ARMCX4: variants seen among roughly 807,000 people sequenced by gnomAD.
ARMCX4 encodes armadillo repeat containing X-linked 4.
ARMCX4 carries 3 observed loss-of-function variants against 34.7 expected under a neutral mutation model. The ratio of observed to expected loss-of-function variants is 0.09; its 90% CI spans 0.04 to 0.22. ARMCX4 has a LOEUF of 0.22. Among genes scored for constraint, ARMCX4 ranks in the 10% least tolerant of loss-of-function variants. The pLI is 1.00. For missense variants in ARMCX4, 1,448 were observed against 1,720.8 expected, an observed-to-expected ratio of 0.84 and a Z score of 2.81; for synonymous variants, 513 against 632.8, an observed-to-expected ratio of 0.81 and a Z score of 2.84.
intron 2 of ARMCX4, among the ~76,000 whole-genome samples, chrX:101,433,221 T>C (rs868918136): frequency 7.2e-5 from 2 of 27,593 alleles, no homozygotes; most frequent in Non-Finnish European, 1.2e-4. Context: ...CGCACATATA[T>C]ACATATATGT....
At chrX:101,477,891 A>G (rs782789361) in intron 4 of ARMCX4, among the ~76,000 whole-genome samples, 15 of 112,289 alleles carry the variant, frequency 1.3e-4, no homozygotes, top group Non-Finnish European at 2.4e-4. Context: ...TTAAAATATG[A>G]TAATCTCAAT....
At position 101,432,748 on chromosome X, in the gene ARMCX4, A is replaced by T. The variant is rs782549751; in HGVS notation, n.165-11304A>T. On this transcript the variant is annotated intron_variant and non_coding_transcript_variant, in intron 2 of 3. Transcript: ENST00000430461. ...TATATACACATATATACGTATATAT[A>T]TGTGTATATACACGTATATATGTAT... is the stretch of plus-strand genomic sequence containing the variant. Among the ~76,000 whole-genome samples, 3 of 66,859 alleles carry T rather than the reference A, an allele frequency of 4.5e-5. No individual in the cohort carries two copies. In the East Asian group the frequency reaches 1.3e-3, roughly 28 times the overall value. 58.1% of individuals were successfully genotyped at this position (66,859 alleles called of 115,157 possible).
chrX:101,432,981 TAC>T (rs1222886351), intron 2 of ARMCX4, among the ~76,000 whole-genome samples: 3 of 35,508 alleles, frequency 8.4e-5, no homozygotes, highest in African/African-American at 1.4e-4. Flanking sequence ...TGTGTATATA[TAC>T]ACACATGTAT....
At chrX:101,524,295 A>C (rs1447111608) in intron 11 of ARMCX4, 1 of 112,625 alleles carries the variant, frequency 8.9e-6, no homozygotes, top group Non-Finnish European at 1.9e-5. Context: ...GGCACATCTT[A>C]TTGAACTGCT....
Position 101,438,303 on chromosome X carries a change from G to A in ARMCX4, n.165-5749G>A, listed in dbSNP as rs147106661. ...TATCAGGCTGGGTGCGGTGGCTCAC[G>A]CCTGTAATCCCAGCACTTTGGGAGG... On this transcript the variant is annotated intron_variant and non_coding_transcript_variant, in intron 2 of 3. Transcript: ENST00000430461. 9.2e-3 allele frequency among the ~76,000 whole-genome samples: 1,034 copies of A among 111,912 alleles called. 7 individuals are homozygous for A. Among genetic ancestry groups the A allele is most frequent in the African/African-American group, 0.031 (958 of 30,790 alleles).
rs782583860 is a variant in ARMCX4, at chrX:101,492,429, A to G, written c.3840A>G (p.Gly1280=). 1.8e-4 allele frequency: 202 copies of G among 1,147,260 alleles called. 2 individuals are homozygous for G. Among genetic ancestry groups the G allele is most frequent in the South Asian group, 1.2e-4 (6 of 52,165 alleles). The allele number at this position is 1,147,260 out of a possible 1,213,427, so 94.5% of individuals were successfully genotyped here. Reference sequence around the variant, plus strand: ...AAGCCAGTGAAGGGTCTTGGGCTGGAGCTGGGGCTGGGAATATGAGTAGTG... The same window carrying G: ...AAGCCAGTGAAGGGTCTTGGGCTGGGGCTGGGGCTGGGAATATGAGTAGTG... ...ENQASEGSWA[G]AGAGNMSSVS... is the part of the protein sequence containing the mutation. The change falls in exon 6 of 6, where the codon GGA becomes GGG. Residue 1280 remains glycine (G), a synonymous_variant. Coordinates refer to ENST00000423738, the MANE Select transcript of ARMCX4 (RefSeq NM_001256155.3).
chrX:101,456,893 TTTTATTTTAAATAAAATA>T (rs1456556974), intron 4 of ARMCX4, among the ~76,000 whole-genome samples: 4 of 111,037 alleles, frequency 3.6e-5, no homozygotes, highest in South Asian at 3.6e-4. Context: ...CTCTGTGTAT[TTTTATTTTAAATAAAATA>T]TTTATTTTAA....
intron 3 of ARMCX4, among the ~76,000 whole-genome samples, chrX:101,445,769 G>T (rs1427094001): frequency 2.7e-5 from 3 of 110,995 alleles, no homozygotes; most frequent in African/African-American, 9.8e-5. Context: ...CTATTTTGTG[G>T]AGGGAGGATG....
At chrX:101,513,629 A>G (rs1333451885) in intron 11 of ARMCX4, among the ~76,000 whole-genome samples, 1 of 111,981 alleles carries the variant, frequency 8.9e-6, no homozygotes, top group Non-Finnish European at 1.9e-5. Context: ...CATGACAATT[A>G]CAGTCCTCAT....
At chrX:101,513,178 A>G (rs1556016847) in intron 11 of ARMCX4, among the ~76,000 whole-genome samples, 1 of 111,389 alleles carries the variant, frequency 9.0e-6, no homozygotes, top group African/African-American at 3.3e-5. Flanking sequence ...TTGTGTCAAT[A>G]GATTATAAAT....
At chrX:101,521,196 TGCTTGGATTACAGGCATGA>T (rs1240173937) in intron 11 of ARMCX4, among the ~76,000 whole-genome samples, 1 of 111,290 alleles carries the variant, frequency 9.0e-6, no homozygotes, top group Non-Finnish European at 1.9e-5. Context: ...CCTCTCAAAG[TGCTTGGATTACAGGCATGA>T]GCCACTGTGC....
rs927403002 is a variant in ARMCX4 at position 101,478,015 on chromosome X, A to G, written c.-472-8008A>G. On this transcript the variant is annotated intron_variant and NMD_transcript_variant, in intron 4 of 15. Coordinates refer to the ARMCX4 transcript ENST00000433011. ...CAAAGGATTTGTGTAGGAGATGCAT[A>G]GAAATATTGTACTTAATGATGAAAC... Among the ~76,000 whole-genome samples the G allele has an allele frequency of 3.6e-5, 4 of 112,064 alleles. No homozygotes were observed. The Admixed American group carries it at 3.8e-4, about 11-fold the overall frequency.
At chrX:101,426,743 A>C (rs782025430) in intron 2 of ARMCX4, among the ~76,000 whole-genome samples, 95 of 111,717 alleles carry the variant, frequency 8.5e-4, no homozygotes, top group Non-Finnish European at 1.4e-3. Flanking sequence ...AGATGGTAAA[A>C]TGGAGGTACA....
intron 2 of ARMCX4, among the ~76,000 whole-genome samples, chrX:101,435,363 T>G: frequency 8.9e-6 from 1 of 111,769 alleles, no homozygotes; most frequent in Admixed American, 9.5e-5. Flanking sequence ...CATTGTGGTT[T>G]TGATTTGCAT....
Position 101,432,875 on chromosome X carries a change from T to C in ARMCX4, n.165-11177T>C, listed in dbSNP as rs370832667. Among the ~76,000 whole-genome samples the C allele has an allele frequency of 3.2e-3, 241 of 75,800 alleles. 2 individuals carry two copies. The South Asian group carries it at 0.053, about 17-fold the overall frequency. The allele number at this position is 75,800 out of a possible 115,157, so 65.8% of individuals were successfully genotyped here. A position where few individuals can be genotyped will look rare whatever the true frequency, so the allele number is the denominator to read the frequency against. On this transcript the variant is annotated intron_variant and non_coding_transcript_variant, in intron 2 of 3. Transcript: ENST00000430461. ...GTATATATACACGTATATATACACA[T>C]ATGTATACGTGTGTATATATACGTG...
At position 101,490,900 on chromosome X, in the gene ARMCX4, A is replaced by C; in HGVS notation, c.2311A>C (p.Asn771His). Reference sequence around the variant, plus strand: ...TGGTGCCAAAAATAAGGTCAAGGCCAATCTTAATGCTGTGTCTAAGGCAGA... The same window carrying C: ...TGGTGCCAAAAATAAGGTCAAGGCCCATCTTAATGCTGTGTCTAAGGCAGA... ...LPGAKNKVKANLNAVSKAEAG... is the reference protein window; with the variant it reads ...LPGAKNKVKAHLNAVSKAEAG... Residue 771 changes from asparagine (N) to histidine (H), a missense_variant, in exon 6 of 6, where the codon AAT becomes CAT. Physicochemically the swap from Asn to His is moderately conservative, Grantham distance 68. Around this residue, in one of 2 missense-constraint regions of ARMCX4, gnomAD observed 1,343 missense variants for 1,540.7 expected, o/e 0.87. Transcript: ENST00000423738. The C allele has an allele frequency of 1.7e-6, 2 of 1,154,610 alleles. No individual in the cohort carries two copies.
chrX:101,482,294 G>T (rs1933485134), upstream of ARMCX4, among the ~76,000 whole-genome samples: 1 of 111,866 alleles, frequency 8.9e-6, no homozygotes, highest in South Asian at 3.7e-4. Context: ...GTATACAAAA[G>T]GTTAATACAC....
At chrX:101,444,613 C>T (rs1349343690) in intron 3 of ARMCX4, among the ~76,000 whole-genome samples, 1 of 112,397 alleles carries the variant, frequency 8.9e-6, no homozygotes, top group African/African-American at 3.2e-5. Context: ...TCTCTCTCCC[C>T]TCTTGTAATA....
chrX:101,439,552 G>T (rs1274534835), intron 2 of ARMCX4, among the ~76,000 whole-genome samples: 1 of 111,857 alleles, frequency 8.9e-6, no homozygotes, highest in Non-Finnish European at 1.9e-5. Context: ...AATTCTCCTG[G>T]ATAATATCCT....
Sources: gnomAD v4.1 joint callset for allele counts (sites outside exome capture counted in the v4.1 genomes callset) on GRCh38, gnomAD v4.1.1 for gene constraint, gnomAD v4.1.1 regional missense constraint, MANE v1.5 for transcripts, NCBI Gene and HGNC (gene_info 2026-07-23, HGNC 2026-07-21) for gene names.